Variants in ITCH observed in about 807,000 individuals in gnomAD.
The protein encoded by ITCH is itchy E3 ubiquitin protein ligase, also known as E3 ubiquitin-protein ligase Itchy homolog.
ITCH carries 28 observed loss-of-function variants against 126.8 expected under a neutral mutation model. The ratio of observed to expected loss-of-function variants is 0.22; its 90% CI spans 0.16 to 0.30. The LOEUF is 0.30. Ranked by LOEUF, ITCH falls within the 10% of genes least tolerant of loss-of-function variation. The probability of loss-of-function intolerance (pLI) is 1.00; values close to 1 mark genes in which losing one functional copy is unlikely to be tolerated. For synonymous variants in ITCH, 342 were observed against 340.0 expected (o/e 1.01, Z -0.06); for missense variants, 631 against 1,032.4 (o/e 0.61, Z 5.33).
intron 10 of ITCH, among the ~76,000 whole-genome samples, chr20:34,444,529 G>A (rs1304203925): frequency 6.6e-6 from 1 of 152,118 alleles, no homozygotes; most frequent in Non-Finnish European, 1.5e-5. Context: ...GTTGCGGTGA[G>A]CCAAGATCGC....
At chr20:34,402,017 G>A (rs1000918861) in intron 3 of ITCH, 1 of 589,212 alleles carries the variant, frequency 1.7e-6, no homozygotes, top group African/African-American at 1.9e-5. Context: ...ATGAGTACAT[G>A]TGGGTAGGTG....
At chr20:34,503,095 C>G (rs762012054) in intron 23 of ITCH, among the ~76,000 whole-genome samples, 1 of 152,138 alleles carries the variant, frequency 6.6e-6, no homozygotes, top group Non-Finnish European at 1.5e-5. Context: ...ATAATTTTAA[C>G]TGTGTTTTTT....
intron 2 of ITCH, among the ~76,000 whole-genome samples, chr20:34,391,438 A>C (rs2038488060): frequency 6.6e-6 from 1 of 152,116 alleles, no homozygotes. Context: ...CAACTCATGC[A>C]TGTTGTTCTG....
At chr20:34,372,591 A>G (rs918995985) in intron 2 of ITCH, among the ~76,000 whole-genome samples, 6 of 151,784 alleles carry the variant, frequency 4.0e-5, no homozygotes, top group Non-Finnish European at 8.8e-5. Flanking sequence ...CGTGCTAGCC[A>G]GGATGGTCTC....
chr20:34,413,612 T>C, intron 5 of ITCH, 130 bp from the exon 6 acceptor site: 2 of 815,450 alleles, frequency 2.5e-6, no homozygotes, highest in Non-Finnish European at 3.7e-6. Flanking sequence ...GAAACATAGT[T>C]AAACAGTTTA....
In ITCH at chr20:34,440,763, T is replaced by C. The variant is rs1248424287; in HGVS notation, c.869+419T>C. Among the ~76,000 whole-genome samples the C allele has an allele frequency of 2.6e-5, 4 of 152,228 alleles. No homozygotes were observed. The East Asian group carries it at 7.7e-4, about 29-fold the overall frequency. ...CACCCAGCCAACTGTTTTTATGTTATTGTAACTGATTTTGGGGGATCTGGA... is the reference window on the plus strand; with the variant it reads ...CACCCAGCCAACTGTTTTTATGTTACTGTAACTGATTTTGGGGGATCTGGA... On this transcript the variant is annotated intron_variant, in intron 9 of 24. Coordinates refer to ENST00000374864, the MANE Select transcript of ITCH (RefSeq NM_031483.7).
intron 12 of ITCH, among the ~76,000 whole-genome samples, chr20:34,453,909 G>A (rs1447208990): frequency 6.6e-6 from 1 of 151,494 alleles, no homozygotes; most frequent in East Asian, 2.0e-4. Context: ...CAGGAGAATT[G>A]CTTAAACCTG....
rs911597699 is a variant in ITCH at position 34,476,411 on chromosome 20, C to G, written c.1570-1361C>G. ...GACCCGGCGTGGTGCAGCCACCGGCCGGCCGGGTCGCCGAGGACCGCAGAA... is the reference window on the plus strand; with the variant it reads ...GACCCGGCGTGGTGCAGCCACCGGCGGGCCGGGTCGCCGAGGACCGCAGAA... On this transcript the variant is annotated intron_variant, in intron 16 of 24. Transcript: ENST00000374864. 11 of 1,236,854 alleles carry G rather than the reference C, an allele frequency of 8.9e-6. No homozygotes were observed. In the East Asian group the frequency reaches 2.3e-4, roughly 26 times the overall value. The allele number at this position is 1,236,854 out of a possible 1,614,324, so 76.6% of individuals were successfully genotyped here.
At chr20:34,474,351 G>T (rs902556665) in intron 16 of ITCH, among the ~76,000 whole-genome samples, 1 of 152,172 alleles carries the variant, frequency 6.6e-6, no homozygotes, top group African/African-American at 2.4e-5. Flanking sequence ...TGAGATTAGG[G>T]AGTGGTGATG....
rs1016889094 is a variant in ITCH, at chr20:34,458,842, T to C, written c.1295+1368T>C. Among the ~76,000 whole-genome samples, 4 of 152,222 alleles carry C rather than the reference T, an allele frequency of 2.6e-5. No homozygotes were observed. The South Asian group carries it at 8.3e-4, about 31-fold the overall frequency. On this transcript the variant is annotated intron_variant, in intron 13 of 24. Coordinates refer to ENST00000374864, the MANE Select transcript of ITCH (RefSeq NM_031483.7). ...CAGTATGACCTCATCTTGATACATC[T>C]GCAGTAACTCTGTTTCCAAATAAGG...
chr20:34,372,178 G>A (rs1188797149), intron 2 of ITCH, among the ~76,000 whole-genome samples: 14 of 150,476 alleles, frequency 9.3e-5, no homozygotes, highest in African/African-American at 3.4e-4. Flanking sequence ...GGTGGCGGGC[G>A]CCTGTAGTCC....
Position 34,480,602 on chromosome 20 carries a change from C to T in ITCH, c.1822C>T (p.Leu608=). Residue 608 remains leucine (L), a synonymous_variant, in exon 19 of 25, where the codon CTG becomes TTG. Coordinates refer to ENST00000374864, the MANE Select transcript of ITCH (RefSeq NM_031483.7). ...RFIGRFIAMA[L]FHGKFIDTGF... ...GTCTTGTTTCCTTTTTTCATAGGCT[C>T]TGTTCCATGGGAAATTCATAGACAC... is the stretch of plus-strand genomic sequence containing the variant. 6.2e-7 allele frequency: 1 copy of T among 1,613,776 alleles called. No homozygotes were observed. The highest frequency in any genetic ancestry group is 8.5e-7 in the Non-Finnish European group (1 of 1,179,808).
chr20:34,391,250 G>T (rs2038481352), intron 2 of ITCH, among the ~76,000 whole-genome samples: 1 of 152,150 alleles, frequency 6.6e-6, no homozygotes, highest in African/African-American at 2.4e-5. Context: ...CAAAACTACA[G>T]TTCCCTATGA....
intron 2 of ITCH, among the ~76,000 whole-genome samples, chr20:34,390,091 G>A (rs1322981557): frequency 2.0e-5 from 3 of 149,938 alleles, no homozygotes; most frequent in African/African-American, 7.4e-5. Flanking sequence ...ACTGCACTCA[G>A]CCAGGGCAAC....
chr20:34,411,472 A>G (rs938837587), intron 4 of ITCH, among the ~76,000 whole-genome samples: 3 of 152,156 alleles, frequency 2.0e-5, no homozygotes, highest in Non-Finnish European at 2.9e-5. Context: ...TTTTCCTAAT[A>G]CAATATATAA....
Position 34,463,329 on chromosome 20 carries a change from C to T in ITCH, c.1424+1108C>T, listed in dbSNP as rs1435144782. On this transcript the variant is annotated intron_variant, in intron 14 of 24. Coordinates refer to ENST00000374864, the MANE Select transcript of ITCH (RefSeq NM_031483.7). ...AGTGAGTCAAGATCATGCCACAGCA[C>T]TCCAGCCTGGGTGACAGAGTGAGAC... Among the ~76,000 whole-genome samples the T allele has an allele frequency of 5.3e-5, 8 of 152,234 alleles. No individual in the cohort carries two copies. In the East Asian group the frequency reaches 1.3e-3, roughly 26 times the overall value.
intron 7 of ITCH, among the ~76,000 whole-genome samples, chr20:34,431,244 T>C (rs894361098): frequency 6.6e-6 from 1 of 151,984 alleles, no homozygotes; most frequent in African/African-American, 2.4e-5. Context: ...CGAGACCCCA[T>C]CTCTACATAA....
At chr20:34,439,237 T>C (rs1010606087) in intron 8 of ITCH, among the ~76,000 whole-genome samples, 4 of 152,208 alleles carry the variant, frequency 2.6e-5, no homozygotes, top group Non-Finnish European at 5.9e-5. Flanking sequence ...CTGCAAATAA[T>C]TTTAAGTGAA....
chr20:34,422,272 G>A (rs1344891806), intron 6 of ITCH, among the ~76,000 whole-genome samples: 1 of 152,154 alleles, frequency 6.6e-6, no homozygotes, highest in Non-Finnish European at 1.5e-5. Flanking sequence ...TACAAACCTA[G>A]GCAGTCTGCC....
Sources: gnomAD v4.1 joint callset for allele counts (sites outside exome capture counted in the v4.1 genomes callset) on GRCh38, gnomAD v4.1.1 for gene constraint, MANE v1.5 for transcripts, NCBI Gene and HGNC (gene_info 2026-07-23, HGNC 2026-07-21) for gene names.